The following ASAP3 variants were observed in gnomAD, a reference collection of about 807,000 sequenced individuals.
The protein encoded by ASAP3 is arf-GAP with SH3 domain, ANK repeat and PH domain-containing protein 3.
ASAP3 carries 85 observed loss-of-function variants against 118.2 expected under a neutral mutation model. That is an observed-to-expected ratio of 0.72 (90% confidence interval 0.60 to 0.86). The LOEUF is 0.86. Among genes scored for constraint, ASAP3 ranks in the 40% least tolerant of loss-of-function variants. The pLI is 0.00. For synonymous variants in ASAP3, 432 were observed against 477.4 expected, an observed-to-expected ratio of 0.90 and a Z score of 1.24; for missense variants, 1,026 against 1,175.0, an observed-to-expected ratio of 0.87 and a Z score of 1.85.
rs371794417 is a variant in ASAP3, at chr1:23,431,691, C to T, written c.2546+5G>A. 10 of 1,523,628 alleles carry T rather than the reference C, an allele frequency of 6.6e-6. No individual in the cohort carries two copies. In the African/African-American group the frequency reaches 1.4e-4, roughly 21 times the overall value. 94.4% of individuals were successfully genotyped at this position (1,523,628 alleles called of 1,614,324 possible). ...CCCTGGTTGCACAGCTGGGCCCTCA[C>T]CAACCTGAATCTGACGGGGAGGTAC... is the stretch of plus-strand genomic sequence containing the variant. On this transcript the variant is annotated splice_donor_5th_base_variant and intron_variant, in intron 23 of 24. Transcript: ENST00000336689.
At position 23,438,654 on chromosome 1, in the gene ASAP3, C is replaced by T. The variant is rs1378222610; in HGVS notation, c.1102+93G>A. The T allele has an allele frequency of 9.0e-7, 1 of 1,116,738 alleles. No homozygotes were observed. Among genetic ancestry groups the T allele is most frequent in the Admixed American group, 1.9e-5 (1 of 51,368 alleles). The allele number at this position is 1,116,738 out of a possible 1,614,324, so 69.2% of individuals were successfully genotyped here. ...TCGACACCATGTGTGGAACTGGACA[C>T]AGACCCCTCACTGAAGCCCCCCGGG... is the stretch of plus-strand genomic sequence containing the variant. On this transcript the variant is annotated intron_variant, in intron 12 of 24. Transcript: ENST00000336689. This position sits in a 1 kb window ranked among gnomAD's most constrained non-coding sequence, Gnocchi z 4.9.
Position 23,483,993 on chromosome 1 carries a change from C to A in ASAP3, c.129+12G>T. 1.6e-6 allele frequency: 2 copies of A among 1,282,974 alleles called. No homozygotes were observed. Among genetic ancestry groups the A allele is most frequent in the South Asian group, 4.9e-5 (2 of 40,758 alleles). 79.5% of individuals were successfully genotyped at this position (1,282,974 alleles called of 1,614,324 possible). A position where few individuals can be genotyped will look rare whatever the true frequency, so the allele number is the denominator to read the frequency against. ...CGCCGACCCCCGACCCCTCCCGCCT[C>A]GGCCCCCTCACCTCCTCCCGCGCCA... is the stretch of plus-strand genomic sequence containing the variant. On this transcript the variant is annotated intron_variant, in intron 1 of 24. Coordinates refer to ENST00000336689, the MANE Select transcript of ASAP3 (RefSeq NM_017707.4).
In ASAP3 at chr1:23,431,587, G is replaced by C. The variant is rs2148599194; in HGVS notation, c.2546+109C>G. 3.8e-6 allele frequency: 4 copies of C among 1,052,960 alleles called. No individual in the cohort carries two copies. In the South Asian group the frequency reaches 6.9e-5, roughly 18 times the overall value. The allele number at this position is 1,052,960 out of a possible 1,614,324, so 65.2% of individuals were successfully genotyped here. A position where few individuals can be genotyped will look rare whatever the true frequency, so the allele number is the denominator to read the frequency against. Reference sequence around the variant, plus strand: ...CTGCATAAGTGATGGGCCCAGAGATGGCGTGTGACCCAGTCTTTAGGCAGG... The same window carrying C: ...CTGCATAAGTGATGGGCCCAGAGATCGCGTGTGACCCAGTCTTTAGGCAGG... On this transcript the variant is annotated intron_variant, in intron 23 of 24. Coordinates refer to ENST00000336689, the MANE Select transcript of ASAP3 (RefSeq NM_017707.4).
rs983412704 is a variant in ASAP3 at position 23,437,263 on chromosome 1, C to G, written c.1209G>C (p.Gly403=). The G allele has an allele frequency of 4.4e-6, 7 of 1,595,512 alleles. No individual in the cohort carries two copies. The highest frequency in any genetic ancestry group is 6.0e-6 in the Non-Finnish European group (7 of 1,171,278). The change falls in exon 14 of 25, where the codon GGG becomes GGC. Residue 403 remains glycine (G), a synonymous_variant. Transcript: ENST00000336689. This position sits in a 1 kb window ranked among gnomAD's most constrained non-coding sequence, Gnocchi z 6.1. The part of the protein sequence containing the change: ...KDEALSSAFL[G]EPSAGPGSWG... The stretch of plus-strand genomic sequence containing the variant: ...AGGACCCCGGGCCAGCGCTGGGCTC[C>G]CCGAGGAAGGCGCTGCTCAGGGCTT...
Position 23,432,067 on chromosome 1 carries a change from T to C in ASAP3, c.2324-149A>G, listed in dbSNP as rs367871852. ...TGTCACCCAGGCTGGAGTGCAGTGG[T>C]GCAATCTCGGCTCATTGCAACCTCC... is the stretch of plus-strand genomic sequence containing the variant. On this transcript the variant is annotated intron_variant, in intron 22 of 24. Transcript: ENST00000336689. The C allele has an allele frequency of 1.0e-3, 694 of 684,378 alleles. 5 individuals carry two copies. In the African/African-American group the frequency reaches 0.012, roughly 12 times the overall value. 42.4% of individuals were successfully genotyped at this position (684,378 alleles called of 1,614,324 possible). A position where few individuals can be genotyped will look rare whatever the true frequency, so the allele number is the denominator to read the frequency against.
chr1:23,469,951 T>C (rs1017411679), intron 1 of ASAP3, among the ~76,000 whole-genome samples: 2 of 151,994 alleles, frequency 1.3e-5, no homozygotes, highest in African/African-American at 2.4e-5. Flanking sequence ...TGAAAAGAAA[T>C]TGAGGTAATG....
Position 23,442,187 on chromosome 1 carries a change from T to G in ASAP3, c.670A>C (p.Asn224His), listed in dbSNP as rs780020089. The G allele has an allele frequency of 6.3e-7, 1 of 1,597,512 alleles. No homozygotes were observed. ...SLIKFFHAQH[N>H]FFQDGWKAAQ... The stretch of plus-strand genomic sequence containing the variant: ...GCAGGGACGCGGGAAGATACCTACT[T>G]GTGCTGGGCGTGGAAGAACTTGATG... Residue 224 changes from asparagine to histidine, a missense_variant and splice_region_variant, in exon 7 of 25, where the codon AAC becomes CAC. Physicochemically the swap from Asn to His is moderately conservative, Grantham distance 68. Transcript: ENST00000336689.
rs754828129 is a variant in ASAP3, at chr1:23,433,440, C to T, written c.2112G>A (p.Glu704=). ...ISTEPGSDSE[E]DEEEKRCLLK... ...TGGGACCCACCTTCTCTTCCTCATC[C>T]TCCTCACTGTCAGAGCCAGGCTCTG... is the stretch of plus-strand genomic sequence containing the variant. The change falls in exon 21 of 25, where the codon GAG becomes GAA. Residue 704 remains glutamate, a synonymous_variant. Transcript: ENST00000336689. 1.2e-6 allele frequency: 2 copies of T among 1,614,186 alleles called. No homozygotes were observed. The highest frequency in any genetic ancestry group is 4.5e-5 in the East Asian group (2 of 44,888).
At chr1:23,464,383 C>T (rs977005911) in intron 1 of ASAP3, among the ~76,000 whole-genome samples, 1 of 151,696 alleles carries the variant, frequency 6.6e-6, no homozygotes, top group Non-Finnish European at 1.5e-5. Context: ...GATGGGGTTT[C>T]GCCATGTTGG....
intron 1 of ASAP3, among the ~76,000 whole-genome samples, chr1:23,458,354 G>T (rs1471793670): frequency 6.6e-6 from 1 of 152,154 alleles, no homozygotes; most frequent in East Asian, 1.9e-4. Flanking sequence ...TGGGTGTGGT[G>T]GGGTGCACCT....
chr1:23,476,734 A>C (rs1642140207), intron 1 of ASAP3, among the ~76,000 whole-genome samples: 1 of 152,172 alleles, frequency 6.6e-6, no homozygotes, highest in Non-Finnish European at 1.5e-5. Flanking sequence ...TGCCCATCTC[A>C]GTGCTTTTGC....
intron 1 of ASAP3, among the ~76,000 whole-genome samples, chr1:23,474,537 G>C (rs973325850): frequency 6.6e-5 from 10 of 151,810 alleles, no homozygotes; most frequent in African/African-American, 2.2e-4. Flanking sequence ...GGCCTTCTTC[G>C]TTCCTCTCTC....
chr1:23,477,431 G>C (rs367693506), intron 1 of ASAP3, among the ~76,000 whole-genome samples: 83 of 151,452 alleles, frequency 5.5e-4, no homozygotes, highest in African/African-American at 2.0e-3. Flanking sequence ...GGGCACACGT[G>C]GAGGTGAGAG....
At chr1:23,464,788 A>C (rs530797706) in intron 1 of ASAP3, among the ~76,000 whole-genome samples, 1 of 151,750 alleles carries the variant, frequency 6.6e-6, no homozygotes, top group East Asian at 1.9e-4. Context: ...TCATCCAGGA[A>C]CTTGTTAGAA....
rs1376090850 is a variant in ASAP3 at position 23,475,227 on chromosome 1, A to G, written c.129+8778T>C. Among the ~76,000 whole-genome samples, 3 of 152,154 alleles carry G rather than the reference A, an allele frequency of 2.0e-5. No individual in the cohort carries two copies. In the East Asian group the frequency reaches 5.8e-4, roughly 29 times the overall value. On this transcript the variant is annotated intron_variant, in intron 1 of 24. Transcript: ENST00000336689. Reference sequence around the variant, plus strand: ...GGAGCACAGTGGAAGATCCATTCCAATGCTGGTGGCAACCACAGCAATGGT... The same window carrying G: ...GGAGCACAGTGGAAGATCCATTCCAGTGCTGGTGGCAACCACAGCAATGGT...
At chr1:23,476,003 AC>A (rs1390151988) in intron 1 of ASAP3, among the ~76,000 whole-genome samples, 1 of 151,472 alleles carries the variant, frequency 6.6e-6, no homozygotes, top group African/African-American at 2.4e-5. Context: ...TTCTCCCCAA[AC>A]CTGTTCCCCT....
intron 1 of ASAP3, among the ~76,000 whole-genome samples, chr1:23,482,137 G>C (rs1164614737): frequency 6.6e-6 from 1 of 152,224 alleles, no homozygotes; most frequent in East Asian, 1.9e-4. Context: ...AATGAGACAA[G>C]GTGAGGCTCT....
chr1:23,457,200 C>T (rs1006137041), intron 1 of ASAP3, among the ~76,000 whole-genome samples: 8 of 152,046 alleles, frequency 5.3e-5, no homozygotes, highest in East Asian at 1.9e-4. Context: ...CTGGACTTCC[C>T]GGGTGCAACA....
intron 10 of ASAP3, among the ~76,000 whole-genome samples, chr1:23,440,583 G>A (rs1390629995): frequency 7.5e-5 from 11 of 147,174 alleles, no homozygotes; most frequent in African/African-American, 2.5e-4. Flanking sequence ...CCAGCCGGGC[G>A]CGGTGGCTCA....
Sources: allele counts gnomAD v4.1 joint callset (sites outside exome capture counted in the v4.1 genomes callset), GRCh38; gene constraint gnomAD v4.1.1; non-coding constraint Gnocchi (gnomAD v3.1); transcripts MANE v1.5; gene names NCBI Gene and HGNC (gene_info 2026-07-23, HGNC 2026-07-21).